PPM1E: variants seen among roughly 807,000 people sequenced by gnomAD.
PPM1E encodes the protein protein phosphatase 1E.
PPM1E carries 20 observed loss-of-function variants against 65.9 expected under a neutral mutation model. The ratio of observed to expected loss-of-function variants is 0.30; its 90% confidence interval spans 0.21 to 0.44. The LOEUF (loss-of-function observed/expected upper bound fraction) is 0.44, where lower values mean the gene tolerates loss of function less well. PPM1E is among the 20% of genes least tolerant of loss of function. The pLI is 1.00. For missense variants in PPM1E, 713 were observed against 953.1 expected, an observed-to-expected ratio of 0.75 and a Z score of 3.32; for synonymous variants, 352 against 374.9, an observed-to-expected ratio of 0.94 and a Z score of 0.70.
Position 58,828,534 on chromosome 17 carries a change from G to A in PPM1E, c.464+72073G>A, listed in dbSNP as rs371457447. 1.0e-3 allele frequency among the ~76,000 whole-genome samples: 153 copies of A among 151,576 alleles called. 2 individuals are homozygous for A. In the South Asian group the frequency reaches 0.028, roughly 27 times the overall value. On this transcript the variant is annotated intron_variant, in intron 1 of 6. Transcript: ENST00000308249. ...GGCTGGAGTGCAATGCCGCGATCTC[G>A]CCTCACCACAACCTCTGCCTCCTAG...
chr17:58,857,664 CG>C (rs1361178101), intron 1 of PPM1E, among the ~76,000 whole-genome samples: 2 of 151,976 alleles, frequency 1.3e-5, no homozygotes, highest in Non-Finnish European at 2.9e-5. Flanking sequence ...CTTTCTTTTG[CG>C]GTCAGAAAAC....
intron 1 of PPM1E, among the ~76,000 whole-genome samples, chr17:58,879,895 C>T (rs2051174073): frequency 6.6e-6 from 1 of 152,132 alleles, no homozygotes. Flanking sequence ...GGCAAAACTC[C>T]ACTTCCATCC....
At chr17:58,942,730 C>A (rs2052090635) in intron 1 of PPM1E, among the ~76,000 whole-genome samples, 1 of 151,720 alleles carries the variant, frequency 6.6e-6, no homozygotes, top group African/African-American at 2.4e-5. Flanking sequence ...TGCTAGATGA[C>A]AAGTTAGTGG....
chr17:58,857,723 C>T (rs1009638824), intron 1 of PPM1E, among the ~76,000 whole-genome samples: 1 of 152,048 alleles, frequency 6.6e-6, no homozygotes. Context: ...CTTCCTGGAA[C>T]AGCACACAAC....
chr17:58,964,427 CAT>C (rs887722008), intron 2 of PPM1E, among the ~76,000 whole-genome samples: 2 of 152,154 alleles, frequency 1.3e-5, no homozygotes, highest in Non-Finnish European at 2.9e-5. Context: ...AAGGCTTACA[CAT>C]GTGTCCATCT....
intron 1 of PPM1E, among the ~76,000 whole-genome samples, chr17:58,766,554 A>G (rs1478112747): frequency 2.0e-5 from 3 of 151,950 alleles, no homozygotes; most frequent in Non-Finnish European, 4.4e-5. Context: ...AAAAACTAAG[A>G]TACTAGTAAG....
intron 1 of PPM1E, among the ~76,000 whole-genome samples, chr17:58,923,448 A>T (rs1038108255): frequency 6.6e-6 from 1 of 151,506 alleles, no homozygotes; most frequent in African/African-American, 2.4e-5. Flanking sequence ...TCCCATTCCT[A>T]AAAAAAAGTC....
rs191299029 is a variant in PPM1E, at chr17:58,894,223, G to A, written c.465-61426G>A. 1.6e-4 allele frequency among the ~76,000 whole-genome samples: 24 copies of A among 152,238 alleles called. 1 individual carries two copies. In the South Asian group the frequency reaches 1.7e-3, roughly 11 times the overall value. On this transcript the variant is annotated intron_variant, in intron 1 of 6. Coordinates refer to ENST00000308249, the MANE Select transcript of PPM1E (RefSeq NM_014906.5). The stretch of plus-strand genomic sequence containing the variant: ...TGCAACCTCCAGCTCCTGGGTTCAA[G>A]CAATTCTCGTGCCGCAGCCTCCCAA...
intron 2 of PPM1E, among the ~76,000 whole-genome samples, chr17:58,964,598 GCTCT>G (rs1448272611): frequency 6.6e-6 from 1 of 152,120 alleles, no homozygotes; most frequent in Admixed American, 6.6e-5. Context: ...TCCTCTGGCT[GCTCT>G]CTGTCTTTTT....
chr17:58,892,203 A>G (rs934596672), intron 1 of PPM1E, among the ~76,000 whole-genome samples: 4 of 152,196 alleles, frequency 2.6e-5, no homozygotes, highest in African/African-American at 9.7e-5. Flanking sequence ...ACCAAACTAT[A>G]CAGATTCTAA....
At chr17:58,950,082 C>T (rs2052214706) in intron 1 of PPM1E, among the ~76,000 whole-genome samples, 1 of 152,150 alleles carries the variant, frequency 6.6e-6, no homozygotes, top group Non-Finnish European at 1.5e-5. Flanking sequence ...AATTTGACAG[C>T]TGGGTGTGGT....
chr17:58,770,819 T>A (rs2049930022), intron 1 of PPM1E, among the ~76,000 whole-genome samples: 1 of 151,968 alleles, frequency 6.6e-6, no homozygotes, highest in Non-Finnish European at 1.5e-5. Context: ...TATTGAGAAT[T>A]CCCTTGGTTT....
intron 1 of PPM1E, among the ~76,000 whole-genome samples, chr17:58,878,503 C>G (rs1285240615): frequency 6.6e-6 from 1 of 151,766 alleles, no homozygotes; most frequent in Admixed American, 6.6e-5. Flanking sequence ...CTTGGCCTCC[C>G]AAAGTGCTGG....
intron 1 of PPM1E, among the ~76,000 whole-genome samples, chr17:58,952,225 T>C (rs1222050669): frequency 6.6e-6 from 1 of 152,238 alleles, no homozygotes. Flanking sequence ...GTCAGGGACA[T>C]GTGCATGCAC....
intron 1 of PPM1E, among the ~76,000 whole-genome samples, chr17:58,911,236 C>A (rs1394152753): frequency 6.6e-6 from 1 of 152,158 alleles, no homozygotes; most frequent in Non-Finnish European, 1.5e-5. Context: ...GTTGGTTTTG[C>A]AGTTTGCTTA....
At chr17:58,885,396 C>T (rs2051254087) in intron 1 of PPM1E, among the ~76,000 whole-genome samples, 1 of 152,180 alleles carries the variant, frequency 6.6e-6, no homozygotes. Flanking sequence ...CTTTTGACAT[C>T]TGATTTTAAT....
chr17:58,933,763 TC>T (rs895227720), intron 1 of PPM1E, among the ~76,000 whole-genome samples: 12 of 145,520 alleles, frequency 8.2e-5, no homozygotes, highest in African/African-American at 2.6e-4. Flanking sequence ...ACCATTGCAC[TC>T]CAGCCTGGAA....
At chr17:58,884,840 T>G (rs2051247111) in intron 1 of PPM1E, among the ~76,000 whole-genome samples, 2 of 152,144 alleles carry the variant, frequency 1.3e-5, no homozygotes, top group South Asian at 4.1e-4. Flanking sequence ...AGCAATGCCT[T>G]GCACATAGTA....
intron 1 of PPM1E, among the ~76,000 whole-genome samples, chr17:58,823,005 C>T (rs970853429): frequency 2.6e-5 from 4 of 151,978 alleles, no homozygotes; most frequent in East Asian, 1.9e-4. Context: ...CTGACTTATA[C>T]GATGATTATT....
Sources: gnomAD v4.1 joint callset for allele counts (sites outside exome capture counted in the v4.1 genomes callset) on GRCh38, gnomAD v4.1.1 for gene constraint, MANE v1.5 for transcripts, NCBI Gene and HGNC (gene_info 2026-07-23, HGNC 2026-07-21) for gene names.